Variants in MLYCD observed in about 807,000 individuals in gnomAD.
The protein encoded by MLYCD is malonyl-CoA decarboxylase, mitochondrial.
A neutral mutation model predicts 35.8 loss-of-function variants in MLYCD; 27 were observed. The observed-to-expected ratio is 0.75, with a 90% CI of 0.56 to 1.04. The LOEUF (loss-of-function observed/expected upper bound fraction) is 1.04, where lower values mean the gene tolerates loss of function less well. MLYCD is among the 50% of genes least tolerant of loss of function. The pLI, the probability that MLYCD is intolerant of heterozygous loss-of-function variation, is 0.00. For missense variants in MLYCD, 917 were observed against 665.1 expected (o/e 1.38, Z -4.17); for synonymous variants, 403 against 302.4 (o/e 1.33, Z -3.45).
intron 3 of MLYCD, among the ~76,000 whole-genome samples, chr16:83,910,499 G>T (rs558883944): frequency 2.0e-5 from 3 of 152,072 alleles, no homozygotes; most frequent in African/African-American, 7.2e-5. Context: ...AGACCAGCCT[G>T]GCCAACATGG....
Position 83,921,674 on chromosome 16 carries a change from C to T in MLYCD, c.*6185C>T, listed in dbSNP as rs530090666. 23 of 152,290 alleles carry T rather than the reference C, an allele frequency of 1.5e-4. No individual in the cohort carries two copies. Among genetic ancestry groups the T allele is most frequent in the African/African-American group, 5.3e-4 (22 of 41,560 alleles). 9.4% of individuals were successfully genotyped at this position (152,290 alleles called of 1,614,324 possible). A position where few individuals can be genotyped will look rare whatever the true frequency, so the allele number is the denominator to read the frequency against. ...CTCACTTCATGGGTGTTACAAACCT[C>T]TTATCATCTGTTTACGTCTCACTCT... is the stretch of plus-strand genomic sequence containing the variant. On this transcript the variant is annotated 3_prime_UTR_variant, in exon 5 of 5. Transcript: ENST00000262430.
At chr16:83,912,401 G>A (rs1242291253) in intron 4 of MLYCD, 34 bp downstream of exon 4, 1 of 1,613,706 alleles carries the variant, frequency 6.2e-7, no homozygotes, top group Admixed American at 1.7e-5. Context: ...GGTCACGCTT[G>A]GCTTCCGTGT....
rs200078965 is a variant in MLYCD at position 83,915,440 on chromosome 16, A to G, written c.1433A>G (p.Glu478Gly). The G allele has an allele frequency of 2.4e-4, 383 of 1,613,458 alleles. No homozygotes were observed. Among genetic ancestry groups the G allele is most frequent in the Non-Finnish European group, 3.0e-4 (357 of 1,180,048 alleles). Residue 478 changes from glutamate to glycine, a missense_variant, in exon 5 of 5, where the codon GAG (glutamate) becomes GGG (glycine). Coordinates refer to ENST00000262430, the MANE Select transcript of MLYCD (RefSeq NM_012213.3). ...GGCTCCAAGATCATCAAAGCCTCTG[A>G]GCAGGTCCTCAGCCTAGTGGCCCAG... Reference protein sequence around the residue: ...YLGSKIIKASEQVLSLVAQFQ... With the variant: ...YLGSKIIKASGQVLSLVAQFQ...
chr16:83,915,521 G>C lies in MLYCD; in HGVS notation c.*32G>C. ...ACCTCTCCTAAAGCACAGGGCCCCGGCTAAGAAAACGATCATTTTCAGGAG... is the reference window on the plus strand; with the variant it reads ...ACCTCTCCTAAAGCACAGGGCCCCGCCTAAGAAAACGATCATTTTCAGGAG... On this transcript the variant is annotated 3_prime_UTR_variant, in exon 5 of 5. Coordinates refer to ENST00000262430, the MANE Select transcript of MLYCD (RefSeq NM_012213.3). 4.4e-6 allele frequency: 7 copies of C among 1,603,426 alleles called. No individual in the cohort carries two copies. The highest frequency in any genetic ancestry group is 5.9e-6 in the Non-Finnish European group (7 of 1,179,482).
At chr16:83,906,571 T>C (rs1906982994) in intron 1 of MLYCD, among the ~76,000 whole-genome samples, 1 of 152,222 alleles carries the variant, frequency 6.6e-6, no homozygotes, top group African/African-American at 2.4e-5. Context: ...TCAAAGAAGG[T>C]TCCCGAGAGG....
rs368357572 is a variant in MLYCD, at chr16:83,915,274, C to T, written c.1267C>T (p.His423Tyr). 3.7e-5 allele frequency: 60 copies of T among 1,612,212 alleles called. No individual in the cohort carries two copies. Among genetic ancestry groups the T allele is most frequent in the Non-Finnish European group, 5.1e-5 (60 of 1,178,490 alleles). Residue 423 changes from histidine to tyrosine, a missense_variant, in exon 5 of 5, where the codon CAC becomes TAC. Physicochemically the swap from His to Tyr is moderately conservative, Grantham distance 83. Transcript: ENST00000262430. Reference sequence around the variant, plus strand: ...CGCGCTGAACCCCGTGGCCAACTTCCACCTGCAGAACGGGGCGGTGCTGTG... The same window carrying T: ...CGCGCTGAACCCCGTGGCCAACTTCTACCTGCAGAACGGGGCGGTGCTGTG... ...GYALNPVANF[H>Y]LQNGAVLWRI...
rs866290352 is a variant in MLYCD, at chr16:83,915,487, T to TG, written c.1481dup (p.Ter494TrpfsTer7). 2.5e-6 allele frequency: 4 copies of TG among 1,610,610 alleles called. No individual in the cohort carries two copies. Among genetic ancestry groups the TG allele is most frequent in the African/African-American group, 2.7e-5 (2 of 74,940 alleles). ...CCAGTTTCAAAAGAACAGCAAGCTC[T>TG]GACAGTAAACCTCTCCTAAAGCACA... On this transcript the variant is annotated frameshift_variant and stop_lost, in exon 5 of 5. Coordinates refer to ENST00000262430, the MANE Select transcript of MLYCD (RefSeq NM_012213.3). LOFTEE classifies it high-confidence loss of function.
chr16:83,911,468 G>C (rs1907177369), intron 3 of MLYCD, among the ~76,000 whole-genome samples: 1 of 152,238 alleles, frequency 6.6e-6, no homozygotes, highest in South Asian at 2.1e-4. Flanking sequence ...GCCCCCTGCT[G>C]TTCCACTGTT....
chr16:83,914,970 C>T lies in MLYCD; in HGVS notation c.963C>T (p.His321=). Residue 321 remains histidine (H), a synonymous_variant, in exon 5 of 5, where the codon CAC becomes CAT. Coordinates refer to ENST00000262430, the MANE Select transcript of MLYCD (RefSeq NM_012213.3). The part of the protein sequence containing the change: ...VVKELQREFP[H]LGVFSSLSPI... ...ATGCTTTACAGAGAGAGTTTCCTCA[C>T]CTTGGGGTGTTTTCAAGTCTGTCAC... 1 of 1,614,228 alleles carries T rather than the reference C, an allele frequency of 6.2e-7. No individual in the cohort carries two copies. Among genetic ancestry groups the T allele is most frequent in the Non-Finnish European group, 8.5e-7 (1 of 1,180,038 alleles).
chr16:83,912,256 GA>G lies in MLYCD; in HGVS notation c.839del (p.Lys280ArgfsTer14). On this transcript the variant is annotated frameshift_variant, in exon 4 of 5. Transcript: ENST00000262430. LOFTEE classifies it high-confidence loss of function. ...KEHPPSETEE[K>X]NKITAAIFYS... ...AACATCCTCCATCAGAAACAGAAGA[GA>G]AGAACAAAATCACTGCTGCGATCTT... The G allele has an allele frequency of 6.2e-7, 1 of 1,614,152 alleles. No homozygotes were observed. The highest frequency in any genetic ancestry group is 1.1e-5 in the South Asian group (1 of 91,062).
chr16:83,909,423 T>C (rs1907094160), intron 3 of MLYCD, among the ~76,000 whole-genome samples: 1 of 152,286 alleles, frequency 6.6e-6, no homozygotes, highest in South Asian at 2.1e-4. Flanking sequence ...TTAAATATTG[T>C]TGTAGGTTTA....
rs748043595 is a variant in MLYCD, at chr16:83,912,316, AG to A, written c.901del (p.Val301TrpfsTer8). On this transcript the variant is annotated frameshift_variant, in exon 4 of 5. Coordinates refer to ENST00000262430, the MANE Select transcript of MLYCD (RefSeq NM_012213.3). LOFTEE classifies it high-confidence loss of function. ...TCAGCTTGACCCAGCAGGGACTCCA[AG>A]GGGTGGAGCTGGGAACATTCCTCAT... is the stretch of plus-strand genomic sequence containing the variant. ...SISLTQQGLQ[G>X]VELGTFLIKR... 1 of 1,614,190 alleles carries A rather than the reference AG, an allele frequency of 6.2e-7. No individual in the cohort carries two copies. Among genetic ancestry groups the A allele is most frequent in the Admixed American group, 1.7e-5 (1 of 60,026 alleles).
At chr16:83,907,546 G>A (rs896750308) in intron 2 of MLYCD, among the ~76,000 whole-genome samples, 1 of 152,160 alleles carries the variant, frequency 6.6e-6, no homozygotes, top group African/African-American at 2.4e-5. Context: ...TCCAGGACCC[G>A]TATGACACAG....
At chr16:83,899,704 C>G in intron 1 of MLYCD, 32 bp downstream of exon 1, 11 of 1,487,004 alleles carry the variant, frequency 7.4e-6, no homozygotes, top group Non-Finnish European at 9.8e-6. Context: ...CCCGGCAGCG[C>G]GGACTGGCCG....
At chr16:83,908,389 T>A (rs530613691) in intron 3 of MLYCD, 107 bp downstream of exon 3, 343 of 1,248,018 alleles carry the variant, frequency 2.7e-4, no homozygotes, top group Middle Eastern at 8.4e-4. Flanking sequence ...TTTTTTTTTT[T>A]AAATAAATGG....
At chr16:83,914,551 G>C (rs1422326352) in intron 4 of MLYCD, 1 of 311,182 alleles carries the variant, frequency 3.2e-6, no homozygotes, top group Admixed American at 4.6e-5. Flanking sequence ...AGAAGGGATG[G>C]TGGGGACAGA....
intron 1 of MLYCD, among the ~76,000 whole-genome samples, chr16:83,904,316 A>T (rs2151055579): frequency 6.6e-6 from 1 of 152,314 alleles, no homozygotes; most frequent in East Asian, 1.9e-4. Context: ...AGAGGAGTCC[A>T]TGTACCCCAG....
intron 3 of MLYCD, among the ~76,000 whole-genome samples, chr16:83,910,289 A>T (rs1481891612): frequency 6.6e-6 from 1 of 150,700 alleles, no homozygotes; most frequent in South Asian, 2.1e-4. Context: ...TACATACCTC[A>T]CTTGTATAAC....
At chr16:83,904,990 C>G (rs145826827) in intron 1 of MLYCD, among the ~76,000 whole-genome samples, 154 of 152,312 alleles carry the variant, frequency 1.0e-3, no homozygotes, top group African/African-American at 3.3e-3. Flanking sequence ...AAAAGGAGAC[C>G]TCATCTCCTT....
Sources: gnomAD v4.1 joint callset for allele counts (sites outside exome capture counted in the v4.1 genomes callset) on GRCh38, gnomAD v4.1.1 for gene constraint, MANE v1.5 for transcripts, NCBI Gene and HGNC (gene_info 2026-07-23, HGNC 2026-07-21) for gene names.